Variants in CKMT2 observed in about 807,000 individuals in gnomAD.
CKMT2 encodes the protein creatine kinase, mitochondrial 2.
In CKMT2, 43 loss-of-function variants were observed where a neutral mutation model predicts 48.9. The observed-to-expected ratio is 0.88, with a 90% CI of 0.69 to 1.13. CKMT2 has a LOEUF of 1.13. CKMT2 is among the 50% of genes most tolerant of loss of function. The pLI is 0.00. For synonymous variants in CKMT2, 206 were observed against 213.0 expected (o/e 0.97, Z 0.29); for missense variants, 472 against 555.4 (o/e 0.85, Z 1.51).
intron 5 of CKMT2, among the ~76,000 whole-genome samples, chr5:81,256,310 GTTGT>G (rs1757007483): frequency 1.6e-5 from 2 of 122,238 alleles, no homozygotes; most frequent in South Asian, 5.1e-4. Flanking sequence ...TATTGGACAG[GTTGT>G]TTGATCTCTC....
At chr5:81,260,037 A>T (rs913177344) in intron 8 of CKMT2, among the ~76,000 whole-genome samples, 3 of 152,226 alleles carry the variant, frequency 2.0e-5, no homozygotes, top group African/African-American at 7.2e-5. Flanking sequence ...CCACAGTGCA[A>T]TCAAATTAGA....
At chr5:81,255,266 C>A in intron 5 of CKMT2, 52 bp downstream of exon 5, 1 of 1,535,774 alleles carries the variant, frequency 6.5e-7, no homozygotes, top group East Asian at 2.3e-5. Flanking sequence ...GGGCTCTGAC[C>A]CGCACAGGAA....
At chr5:81,240,092 CAT>C (rs1397096162) in intron 1 of CKMT2, among the ~76,000 whole-genome samples, 1 of 152,016 alleles carries the variant, frequency 6.6e-6, no homozygotes, top group Non-Finnish European at 1.5e-5. Flanking sequence ...CTACCTGAAA[CAT>C]ATCAGTGTCA....
At position 81,247,376 on chromosome 5, in the gene CKMT2, A is replaced by G. The variant is rs564674359; in HGVS notation, c.-20-3737A>G. Among the ~76,000 whole-genome samples the G allele has an allele frequency of 2.0e-5, 3 of 152,310 alleles. No individual in the cohort carries two copies. In the South Asian group the frequency reaches 6.2e-4, roughly 32 times the overall value. ...GACACAGATTACCCCTTACAAACAA[A>G]CATCTTCCCAGCTTTACTTATGCCA... On this transcript the variant is annotated intron_variant, in intron 1 of 9. Transcript: ENST00000254035.
At chr5:81,255,697 TCCA>T (rs1399325416) in intron 5 of CKMT2, among the ~76,000 whole-genome samples, 1 of 152,054 alleles carries the variant, frequency 6.6e-6, no homozygotes, top group Non-Finnish European at 1.5e-5. Context: ...TCCTGCTGCT[TCCA>T]CCATGTCTAC....
chr5:81,256,645 C>T (rs1434241886), intron 5 of CKMT2, among the ~76,000 whole-genome samples: 2 of 152,182 alleles, frequency 1.3e-5, no homozygotes, highest in Admixed American at 1.3e-4. Flanking sequence ...AATGGACTAA[C>T]CCAGTGTTTT....
At chr5:81,257,602 G>GT in intron 6 of CKMT2, 131 bp from the exon 7 acceptor site, 1 of 693,068 alleles carries the variant, frequency 1.4e-6, no homozygotes, top group Non-Finnish European at 2.3e-6. Flanking sequence ...TTCAGGCACA[G>GT]TTAAGAGATT....
intron 1 of CKMT2, chr5:81,242,513 G>T (rs901056435): frequency 2.1e-6 from 1 of 487,270 alleles, no homozygotes; most frequent in Non-Finnish European, 4.0e-6. Flanking sequence ...GGTTGATTTG[G>T]TGTTCAGCAC....
rs1288524083 is a variant in CKMT2 at position 81,257,593 on chromosome 5, T to A, written c.756-140T>A. On this transcript the variant is annotated intron_variant, in intron 6 of 9. Transcript: ENST00000254035. ...AGTAACATTATTTTGTCATACTTGT[T>A]CAGGCACAGTTAAGAGATTAGGGCC... 10 of 613,152 alleles carry A rather than the reference T, an allele frequency of 1.6e-5. No individual in the cohort carries two copies. The East Asian group carries it at 2.9e-4, about 18-fold the overall frequency. The allele number at this position is 613,152 out of a possible 1,614,324, so 38.0% of individuals were successfully genotyped here.
In CKMT2 at chr5:81,251,121, C is replaced by T; in HGVS notation, c.-12C>T. On this transcript the variant is annotated 5_prime_UTR_variant, in exon 2 of 10. Transcript: ENST00000254035. Reference sequence around the variant, plus strand: ...GCTTCTTTGCTTTCCAGACACTCATCCAAGAGGAAGGATGGCCAGTATCTT... The same window carrying T: ...GCTTCTTTGCTTTCCAGACACTCATTCAAGAGGAAGGATGGCCAGTATCTT... 4 of 1,613,224 alleles carry T rather than the reference C, an allele frequency of 2.5e-6. No homozygotes were observed. The highest frequency in any genetic ancestry group is 3.4e-6 in the Non-Finnish European group (4 of 1,179,466).
chr5:81,241,617 G>A (rs979355081), intron 1 of CKMT2, among the ~76,000 whole-genome samples: 4 of 152,264 alleles, frequency 2.6e-5, no homozygotes, highest in Middle Eastern at 3.4e-3. Context: ...GGCAATTAGC[G>A]AACACAAATG....
intron 1 of CKMT2, among the ~76,000 whole-genome samples, chr5:81,234,263 A>G (rs1756189441): frequency 6.6e-6 from 1 of 152,128 alleles, no homozygotes. Context: ...GACCTTCCAG[A>G]AAGTGTTGCC....
At chr5:81,234,404 A>G (rs1410575593) in intron 1 of CKMT2, among the ~76,000 whole-genome samples, 1 of 151,684 alleles carries the variant, frequency 6.6e-6, no homozygotes, top group Non-Finnish European at 1.5e-5. Flanking sequence ...CGGCTCTCAC[A>G]TTTTCTCTGT....
intron 1 of CKMT2, among the ~76,000 whole-genome samples, chr5:81,243,224 A>G (rs949736463): frequency 3.9e-5 from 6 of 152,202 alleles, no homozygotes; most frequent in African/African-American, 1.4e-4. Context: ...GCAGATGCCA[A>G]AAAGGCACAG....
chr5:81,252,706 C>G lies in CKMT2; in HGVS notation c.164C>G (p.Pro55Arg). Residue 55 changes from proline (P) to arginine (R), a missense_variant, in exon 3 of 10, where the codon CCA becomes CGA. Transcript: ENST00000254035. Reference sequence around the variant, plus strand: ...TCCTCCCCACACAGCGCAGACTACCCAGACCTGCGCAAGCACAACAACTGC... The same window carrying G: ...TCCTCCCCACACAGCGCAGACTACCGAGACCTGCGCAAGCACAACAACTGC... The part of the protein sequence containing the change: ...PRLFPPSADY[P>R]DLRKHNNCMA... 6.2e-7 allele frequency: 1 copy of G among 1,614,182 alleles called. No homozygotes were observed. The highest frequency in any genetic ancestry group is 1.3e-5 in the African/African-American group (1 of 75,050).
intron 6 of CKMT2, among the ~76,000 whole-genome samples, chr5:81,257,436 G>A (rs562820169): frequency 3.3e-5 from 5 of 152,138 alleles, no homozygotes; most frequent in South Asian, 2.1e-4. Context: ...TGTTAATGTC[G>A]AAGCCAAATG....
intron 1 of CKMT2, 42 bp downstream of exon 1, chr5:81,233,419 G>A: frequency 1.0e-6 from 1 of 984,154 alleles, no homozygotes; most frequent in Non-Finnish European, 1.2e-6. Context: ...CTCCAAAGAG[G>A]GGTCATGGCT....
At chr5:81,242,827 C>A (rs1175540068) in intron 1 of CKMT2, among the ~76,000 whole-genome samples, 1 of 152,142 alleles carries the variant, frequency 6.6e-6, no homozygotes, top group Non-Finnish European at 1.5e-5. Flanking sequence ...TGGTTTCAGT[C>A]TGTCTGAGTT....
intron 2 of CKMT2, chr5:81,252,344 A>T (rs914731590): frequency 2.6e-4 from 70 of 264,570 alleles, no homozygotes; most frequent in African/African-American, 1.5e-3. Context: ...AGGTGACATG[A>T]CTTGTGTTTG....
Sources: gnomAD v4.1 joint callset for allele counts (sites outside exome capture counted in the v4.1 genomes callset) on GRCh38, gnomAD v4.1.1 for gene constraint, MANE v1.5 for transcripts, NCBI Gene and HGNC (gene_info 2026-07-23, HGNC 2026-07-21) for gene names.